SNX21: variants seen among roughly 807,000 people sequenced by gnomAD.
SNX21 encodes the protein sorting nexin-21.
In SNX21, 36 loss-of-function variants were observed where a neutral mutation model predicts 30.9. That is an observed-to-expected ratio of 1.16 (90% CI 0.89 to 1.54). The LOEUF is 1.54. Among genes scored for constraint, SNX21 ranks in the 40% most tolerant of loss-of-function variants. SNX21 has a pLI of 0.00. For missense variants in SNX21, 508 were observed against 516.5 expected, an observed-to-expected ratio of 0.98 and a Z score of 0.16; for synonymous variants, 218 against 222.7, an observed-to-expected ratio of 0.98 and a Z score of 0.19.
chr20:45,839,255 C>G (rs968136705), intron 3 of SNX21, among the ~76,000 whole-genome samples: 1 of 152,014 alleles, frequency 6.6e-6, no homozygotes, highest in African/African-American at 2.4e-5. Context: ...GTGGCTCACA[C>G]CTATAATCCC....
chr20:45,842,374 C>T lies in SNX21; in HGVS notation c.*1061C>T, dbSNP rs1352986877. 12 of 1,297,330 alleles carry T rather than the reference C, an allele frequency of 9.2e-6. No homozygotes were observed. The highest frequency in any genetic ancestry group is 2.0e-6 in the Non-Finnish European group (2 of 1,021,050). 80.4% of individuals were successfully genotyped at this position (1,297,330 alleles called of 1,614,324 possible). A position where few individuals can be genotyped will look rare whatever the true frequency, so the allele number is the denominator to read the frequency against. On this transcript the variant is annotated 3_prime_UTR_variant, in exon 4 of 4. Coordinates refer to ENST00000491381, the MANE Select transcript of SNX21 (RefSeq NM_033421.4). ...GAGCTCTGAGAACAGTCTCCTTCAA[C>T]AGCTCGGCCAAGCAGAACTGCTGTA...
chr20:45,840,473 G>A, intron 3 of SNX21, 166 bp from the exon 4 acceptor site: 1 of 1,614,194 alleles, frequency 6.2e-7, no homozygotes, highest in South Asian at 1.1e-5. Flanking sequence ...GATGGGACTG[G>A]GCTTCCCCGC....
intron 3 of SNX21, 57 bp downstream of exon 3, chr20:45,835,173 G>C (rs1257614726): frequency 9.1e-6 from 14 of 1,536,820 alleles, no homozygotes; most frequent in Non-Finnish European, 1.2e-5. Flanking sequence ...CTAGGAGCAA[G>C]TAGGGAAGAC....
chr20:45,834,383 C>T lies in SNX21; in HGVS notation c.204C>T (p.Asp68=), dbSNP rs772045004. ...SGTLSFTSAE[D]DEDDEDEDDE... is the part of the protein sequence containing the mutation. ...CCCTCAGCTTCACCAGCGCCGAGGA[C>T]GACGAGGACGACGAGGACGAGGACG... is the stretch of plus-strand genomic sequence containing the variant. The change falls in exon 2 of 4, where the codon GAC becomes GAT. Residue 68 remains aspartate, a synonymous_variant. Transcript: ENST00000491381. 6.2e-7 allele frequency: 1 copy of T among 1,601,506 alleles called. No individual in the cohort carries two copies. Among genetic ancestry groups the T allele is most frequent in the Non-Finnish European group, 8.5e-7 (1 of 1,176,706 alleles).
In SNX21 at chr20:45,841,843, G is replaced by C. The variant is rs1301692574; in HGVS notation, c.*530G>C. 2.1e-5 allele frequency: 33 copies of C among 1,603,474 alleles called. No homozygotes were observed. Among genetic ancestry groups the C allele is most frequent in the Non-Finnish European group, 2.8e-5 (33 of 1,176,600 alleles). On this transcript the variant is annotated 3_prime_UTR_variant, in exon 4 of 4. Coordinates refer to ENST00000491381, the MANE Select transcript of SNX21 (RefSeq NM_033421.4). Reference sequence around the variant, plus strand: ...GGCGAAGCTGGTACCTCTGGCTACAGCTTGCTCTCTGAGACCTGGGGCTTC... The same window carrying C: ...GGCGAAGCTGGTACCTCTGGCTACACCTTGCTCTCTGAGACCTGGGGCTTC...
rs547445700 is a variant in SNX21 at position 45,840,498 on chromosome 20, T to C, written c.448-141T>C. 7 of 1,613,418 alleles carry C rather than the reference T, an allele frequency of 4.3e-6. No homozygotes were observed. The East Asian group carries it at 1.6e-4, about 36-fold the overall frequency. ...GGCTTCCCCGCCACTGCGCAGCAGC[T>C]CCCGCCCTCCTGGGTGCTGTCCCAG... On this transcript the variant is annotated intron_variant, in intron 3 of 3. Coordinates refer to ENST00000491381, the MANE Select transcript of SNX21 (RefSeq NM_033421.4).
At chr20:45,839,368 T>G (rs1343479097) in intron 3 of SNX21, among the ~76,000 whole-genome samples, 1 of 151,814 alleles carries the variant, frequency 6.6e-6, no homozygotes, top group Admixed American at 6.6e-5. Flanking sequence ...TACAAAAAAT[T>G]AGCCGGGCGT....
At chr20:45,834,143 C>T in intron 1 of SNX21, 58 bp from the exon 2 acceptor site, 8 of 1,431,290 alleles carry the variant, frequency 5.6e-6, no homozygotes, top group Non-Finnish European at 7.3e-6. Flanking sequence ...TCCTCCTGCG[C>T]CGGGCTGGGG....
chr20:45,840,863 G>A lies in SNX21; in HGVS notation c.672G>A (p.Gln224=), dbSNP rs777215857. The A allele has an allele frequency of 6.2e-7, 1 of 1,613,750 alleles. No homozygotes were observed. Among genetic ancestry groups the A allele is most frequent in the East Asian group, 2.2e-5 (1 of 44,880 alleles). ...RAFEQFLGHL[Q]AVPELRHAPD... ...TTGAGCAGTTTTTGGGTCACCTGCA[G>A]GCAGTGCCTGAGCTGCGCCATGCCC... The change falls in exon 4 of 4, where the codon CAG becomes CAA. Residue 224 remains glutamine, a synonymous_variant. Coordinates refer to ENST00000491381, the MANE Select transcript of SNX21 (RefSeq NM_033421.4).
chr20:45,835,118 T>A lies in SNX21; in HGVS notation c.447+2T>A. The stretch of plus-strand genomic sequence containing the variant: ...AAGGACCCGCCCTCCAAGTACGTGG[T>A]GAGTGAGGGTCTAGAACCCCTGGGC... On this transcript the variant is annotated splice_donor_variant, in intron 3 of 3. Coordinates refer to ENST00000491381, the MANE Select transcript of SNX21 (RefSeq NM_033421.4). LOFTEE classifies it high-confidence loss of function. 1 of 1,611,900 alleles carries A rather than the reference T, an allele frequency of 6.2e-7. No homozygotes were observed. Among genetic ancestry groups the A allele is most frequent in the South Asian group, 1.1e-5 (1 of 90,850 alleles).
At chr20:45,837,419 CTG>C (rs1474924912) in intron 3 of SNX21, among the ~76,000 whole-genome samples, 1 of 152,222 alleles carries the variant, frequency 6.6e-6, no homozygotes, top group Admixed American at 6.5e-5. Context: ...GTGATATACA[CTG>C]TGAATCTTCA....
chr20:45,836,490 CA>C lies in SNX21; in HGVS notation c.447+1401del, dbSNP rs74176824. ...TGGGCAACAGAGCGAGACTCCGTCT[CA>C]AAAAAAAAAAAAAAAAAAAAAAAAA... is the stretch of plus-strand genomic sequence containing the variant. On this transcript the variant is annotated intron_variant, in intron 3 of 3. Transcript: ENST00000491381. 9.1e-3 allele frequency among the ~76,000 whole-genome samples: 469 copies of C among 51,320 alleles called. 1 individual carries two copies. Among genetic ancestry groups the C allele is most frequent in the African/African-American group, 0.025 (363 of 14,388 alleles). 33.7% of individuals were successfully genotyped at this position (51,320 alleles called of 152,430 possible).
chr20:45,840,197 T>A (rs2145746856), intron 3 of SNX21: 2 of 1,394,512 alleles, frequency 1.4e-6, no homozygotes, highest in Admixed American at 3.0e-5. Context: ...GTCCTCTGGG[T>A]CTAGTTTGGA....
At position 45,842,711 on chromosome 20, in the gene SNX21, A is replaced by G; in HGVS notation, c.*1398A>G. The G allele has an allele frequency of 3.0e-6, 3 of 989,258 alleles. No individual in the cohort carries two copies. Among genetic ancestry groups the G allele is most frequent in the Non-Finnish European group, 3.6e-6 (3 of 832,274 alleles). 61.3% of individuals were successfully genotyped at this position (989,258 alleles called of 1,614,324 possible). A position where few individuals can be genotyped will look rare whatever the true frequency, so the allele number is the denominator to read the frequency against. ...AGTTATGTGTTGTCCAGTTTTCCAGACCAGGACTGAAATCCAGAGAGGGTC... is the reference window on the plus strand; with the variant it reads ...AGTTATGTGTTGTCCAGTTTTCCAGGCCAGGACTGAAATCCAGAGAGGGTC... On this transcript the variant is annotated 3_prime_UTR_variant, in exon 4 of 4. Transcript: ENST00000491381.
At position 45,834,971 on chromosome 20, in the gene SNX21, C is replaced by T. The variant is rs779486632; in HGVS notation, c.302C>T (p.Pro101Leu). The T allele has an allele frequency of 1.9e-6, 3 of 1,613,688 alleles. No individual in the cohort carries two copies. The East Asian group carries it at 6.7e-5, about 36-fold the overall frequency. ...CATGTGTCTGCAGAACGGAGCCCCC[C>T]ACCTGATGGGCAGTGGGGCAGTCAG... ...TSGEDAERSP[P>L]PDGQWGSQLL... Residue 101 changes from proline to leucine, a missense_variant, in exon 3 of 4, where the codon CCA (proline) becomes CTA (leucine). By Grantham distance (98) the Pro-to-Leu change is moderately conservative. Coordinates refer to ENST00000491381, the MANE Select transcript of SNX21 (RefSeq NM_033421.4).
chr20:45,838,910 T>C (rs994979574), intron 3 of SNX21, among the ~76,000 whole-genome samples: 4 of 151,692 alleles, frequency 2.6e-5, no homozygotes, highest in Non-Finnish European at 4.4e-5. Flanking sequence ...TTTTTTTTTT[T>C]TGAGAGAGAG....
At chr20:45,835,150 T>G in intron 3 of SNX21, 34 bp downstream of exon 3, 1 of 1,580,640 alleles carries the variant, frequency 6.3e-7, no homozygotes, top group Non-Finnish European at 8.6e-7. Context: ...GGGCTGTGAG[T>G]CCAGAAGTAT....
At chr20:45,834,897 G>T in intron 2 of SNX21, 62 bp from the exon 3 acceptor site, 1 of 1,566,902 alleles carries the variant, frequency 6.4e-7, no homozygotes, top group Admixed American at 1.8e-5. Context: ...GTGAGGCCAC[G>T]TCAGTGGTTG....
Position 45,840,669 on chromosome 20 carries a change from C to G in SNX21, c.478C>G (p.Pro160Ala). 6.2e-7 allele frequency: 1 copy of G among 1,614,186 alleles called. No individual in the cohort carries two copies. Among genetic ancestry groups the G allele is most frequent in the South Asian group, 1.1e-5 (1 of 91,086 alleles). Reference sequence around the variant, plus strand: ...CACCCTCGCCGTGATCGGCCCAGGACCGCCAGATTGCCAGCCAGCCCAGAT... The same window carrying G: ...CACCCTCGCCGTGATCGGCCCAGGAGCGCCAGATTGCCAGCCAGCCCAGAT... ...LYTLAVIGPGPPDCQPAQISR... is the reference protein window; with the variant it reads ...LYTLAVIGPGAPDCQPAQISR... The change falls in exon 4 of 4, where the codon CCG (proline) becomes GCG (alanine). Residue 160 changes from proline to alanine, a missense_variant. Pro to Ala is a conservative substitution (Grantham distance 27). Transcript: ENST00000491381.
Sources: allele counts gnomAD v4.1 joint callset (sites outside exome capture counted in the v4.1 genomes callset), GRCh38; gene constraint gnomAD v4.1.1; transcripts MANE v1.5; gene names NCBI Gene and HGNC (gene_info 2026-07-23, HGNC 2026-07-21).